The following TBC1D22B variants were observed in gnomAD, a reference collection of about 807,000 sequenced individuals.
TBC1D22B encodes the protein chromosome 6 open reading frame 197.
TBC1D22B carries 32 observed loss-of-function variants against 69.1 expected under a neutral mutation model. That is an observed-to-expected ratio of 0.46 (90% confidence interval 0.35 to 0.62). The LOEUF (loss-of-function observed/expected upper bound fraction) is 0.62, where lower values mean the gene tolerates loss of function less well. Among genes scored for constraint, TBC1D22B ranks in the 20% least tolerant of loss-of-function variants. The probability of loss-of-function intolerance (pLI) is 0.00; values close to 1 mark genes in which losing one functional copy is unlikely to be tolerated. For synonymous variants in TBC1D22B, 206 were observed against 229.8 expected, an observed-to-expected ratio of 0.90 and a Z score of 0.94; for missense variants, 462 against 630.9, an observed-to-expected ratio of 0.73 and a Z score of 2.87.
At chr6:37,312,527 T>A (rs1369333336) in intron 8 of TBC1D22B, among the ~76,000 whole-genome samples, 1 of 152,216 alleles carries the variant, frequency 6.6e-6, no homozygotes. Flanking sequence ...GTGAGTGTGC[T>A]AGACAGCTCA....
At chr6:37,298,702 C>G (rs1021442179) in intron 8 of TBC1D22B, among the ~76,000 whole-genome samples, 1 of 152,032 alleles carries the variant, frequency 6.6e-6, no homozygotes, top group Admixed American at 6.6e-5. Context: ...CCCGCCACCA[C>G]GCACAGCTAA....
chr6:37,288,277 C>T (rs1418289614), intron 7 of TBC1D22B, among the ~76,000 whole-genome samples: 2 of 152,226 alleles, frequency 1.3e-5, no homozygotes, highest in African/African-American at 2.4e-5. Context: ...AAAACCCATT[C>T]ATGATCCCTT....
At chr6:37,276,903 AATATATATAT>A (rs10604640) in intron 2 of TBC1D22B, among the ~76,000 whole-genome samples, 1 of 151,606 alleles carries the variant, frequency 6.6e-6, no homozygotes, top group Non-Finnish European at 1.5e-5. Context: ...AACAAACAAA[AATATATATAT>A]ATATAAAACG....
chr6:37,326,727 G>C (rs1185959932), intron 12 of TBC1D22B, among the ~76,000 whole-genome samples: 5 of 152,046 alleles, frequency 3.3e-5, no homozygotes, highest in African/African-American at 4.8e-5. Context: ...GGTGGAGGTG[G>C]TGGTGAGCCA....
At chr6:37,326,266 G>T (rs1236331587) in intron 12 of TBC1D22B, among the ~76,000 whole-genome samples, 1 of 150,798 alleles carries the variant, frequency 6.6e-6, no homozygotes, top group Admixed American at 6.7e-5. Flanking sequence ...TGTAATCTCA[G>T]CTACTCAGGA....
At chr6:37,299,194 T>C (rs898420772) in intron 8 of TBC1D22B, among the ~76,000 whole-genome samples, 2 of 152,232 alleles carry the variant, frequency 1.3e-5, no homozygotes, top group Non-Finnish European at 2.9e-5. Flanking sequence ...TCTTTTCTCA[T>C]CTGTATTATC....
At chr6:37,323,451 G>A (rs1237842319) in intron 12 of TBC1D22B, among the ~76,000 whole-genome samples, 1 of 152,144 alleles carries the variant, frequency 6.6e-6, no homozygotes, top group Admixed American at 6.5e-5. Context: ...GATCATCTGA[G>A]CCAGGGAGGG....
rs140911238 is a variant in TBC1D22B at position 37,282,261 on chromosome 6, G to C, written c.498G>C (p.Arg166=). ...GGCCCATCATCCCCCTCGTTGCCCG[G>C]ATCTCGGATCAGAACGCTTCTGGGG... ...PLRPIIPLVA[R]ISDQNASGAP... Residue 166 remains arginine, a synonymous_variant, in exon 4 of 13, where the codon CGG becomes CGC. Transcript: ENST00000373491. 4.3e-6 allele frequency: 7 copies of C among 1,614,060 alleles called. No homozygotes were observed. Among genetic ancestry groups the C allele is most frequent in the Non-Finnish European group, 5.9e-6 (7 of 1,180,044 alleles).
At chr6:37,295,564 G>A (rs195761) in intron 8 of TBC1D22B, 378,125 of 406,580 alleles carry the variant, frequency 0.93, 175,907 homozygotes, top group African/African-American at 0.98. Context: ...CTGAGTCTCC[G>A]TTTCCTCCAC....
intron 1 of TBC1D22B, among the ~76,000 whole-genome samples, chr6:37,264,317 T>G (rs1766202077): frequency 6.6e-6 from 1 of 152,116 alleles, no homozygotes; most frequent in Admixed American, 6.5e-5. Context: ...TTGTTTGGTT[T>G]TGTTTTGTTT....
At chr6:37,298,695 G>C (rs537236729) in intron 8 of TBC1D22B, among the ~76,000 whole-genome samples, 1 of 151,884 alleles carries the variant, frequency 6.6e-6, no homozygotes, top group East Asian at 1.9e-4. Context: ...ACAGGCGCCC[G>C]CCACCACGCA....
chr6:37,290,239 C>T (rs1294451861), intron 7 of TBC1D22B, among the ~76,000 whole-genome samples: 2 of 152,160 alleles, frequency 1.3e-5, no homozygotes, highest in African/African-American at 4.8e-5. Context: ...CCCAAGTCCA[C>T]ATGCTTTCTA....
intron 1 of TBC1D22B, among the ~76,000 whole-genome samples, chr6:37,260,271 T>C (rs1379415678): frequency 6.6e-6 from 1 of 152,208 alleles, no homozygotes; most frequent in African/African-American, 2.4e-5. Flanking sequence ...ATGACACAAA[T>C]GACTCTACTG....
intron 12 of TBC1D22B, chr6:37,324,437 G>T (rs1220842078): frequency 2.2e-6 from 1 of 451,564 alleles, no homozygotes; most frequent in East Asian, 7.0e-5. Context: ...AAGACAAACT[G>T]GATACTTTAT....
chr6:37,278,975 A>G (rs1268352177), intron 2 of TBC1D22B, among the ~76,000 whole-genome samples: 4 of 151,806 alleles, frequency 2.6e-5, no homozygotes, highest in Non-Finnish European at 5.9e-5. Flanking sequence ...CCTATTCTCT[A>G]CTTTGCCTGG....
chr6:37,327,214 C>T (rs1206183474), intron 12 of TBC1D22B, among the ~76,000 whole-genome samples: 1 of 142,250 alleles, frequency 7.0e-6, no homozygotes, highest in African/African-American at 2.8e-5. Flanking sequence ...CGCGGTGGCT[C>T]GCGCCTGTAA....
chr6:37,264,510 T>A (rs55774623), intron 1 of TBC1D22B, among the ~76,000 whole-genome samples: 4,840 of 152,192 alleles, frequency 0.032, 243 homozygotes, highest in African/African-American at 0.11. Flanking sequence ...GGGGTTTTGC[T>A]GTGTTGGCCA....
At chr6:37,264,243 A>T (rs1030857028) in intron 1 of TBC1D22B, among the ~76,000 whole-genome samples, 1 of 152,184 alleles carries the variant, frequency 6.6e-6, no homozygotes, top group Non-Finnish European at 1.5e-5. Flanking sequence ...GAGTGTGAAA[A>T]ATGCCAGATC....
intron 10 of TBC1D22B, 46 bp from the exon 11 acceptor site, chr6:37,316,657 G>A (rs1768089466): frequency 6.2e-7 from 1 of 1,609,686 alleles, no homozygotes; most frequent in African/African-American, 1.3e-5. Flanking sequence ...GGCCCTTTCA[G>A]GGTCCAGTCC....
Sources: gnomAD v4.1 joint callset for allele counts (sites outside exome capture counted in the v4.1 genomes callset) on GRCh38, gnomAD v4.1.1 for gene constraint, MANE v1.5 for transcripts, NCBI Gene and HGNC (gene_info 2026-07-23, HGNC 2026-07-21) for gene names.